SAMMSON: variants seen among roughly 807,000 people sequenced by gnomAD.
The protein encoded by SAMMSON is long intergenic non-protein coding RNA 1212.
At chr3:70,360,747 T>TA (rs1251041375) in intron 9 of SAMMSON, among the ~76,000 whole-genome samples, 1 of 152,156 alleles carries the variant, frequency 6.6e-6, no homozygotes, top group Non-Finnish European at 1.5e-5. Flanking sequence ...AACATCATAA[T>TA]ATAAATGGAA....
At chr3:70,281,051 G>T (rs1013627608) in intron 6 of SAMMSON, among the ~76,000 whole-genome samples, 4 of 152,150 alleles carry the variant, frequency 2.6e-5, no homozygotes, top group Non-Finnish European at 4.4e-5. Flanking sequence ...CATGCTGAAG[G>T]ATCTCATGTA....
chr3:70,415,497 CT>C (rs890115796), intron 2 of SAMMSON, among the ~76,000 whole-genome samples: 4 of 152,120 alleles, frequency 2.6e-5, no homozygotes, highest in Admixed American at 2.0e-4. Flanking sequence ...GCTCCCCCTC[CT>C]TTTTTTGTTG....
chr3:70,198,689 TA>T (rs1257960820), intron 4 of SAMMSON, among the ~76,000 whole-genome samples: 2 of 152,192 alleles, frequency 1.3e-5, no homozygotes, highest in Admixed American at 6.5e-5. Context: ...TTAATTGTCA[TA>T]TATTGTTGCA....
At chr3:70,314,919 C>T (rs531656567) in intron 7 of SAMMSON, among the ~76,000 whole-genome samples, 2 of 152,152 alleles carry the variant, frequency 1.3e-5, no homozygotes, top group African/African-American at 2.4e-5. Flanking sequence ...TCCAACTAAA[C>T]AGTTTTTTAA....
At chr3:70,228,208 T>C (rs1701526868) in intron 4 of SAMMSON, among the ~76,000 whole-genome samples, 2 of 152,098 alleles carry the variant, frequency 1.3e-5, no homozygotes, top group African/African-American at 4.8e-5. Context: ...TTACAGCTAA[T>C]ATCCACTATG....
At chr3:70,135,983 A>G (rs1184505567) in intron 4 of SAMMSON, among the ~76,000 whole-genome samples, 2 of 150,614 alleles carry the variant, frequency 1.3e-5, no homozygotes, top group East Asian at 3.9e-4. Flanking sequence ...GTTATAGTTA[A>G]GTTGTAGTTT....
intron 3 of SAMMSON, among the ~76,000 whole-genome samples, chr3:70,017,635 T>C (rs1413647528): frequency 2.6e-5 from 4 of 152,136 alleles, no homozygotes; most frequent in African/African-American, 9.7e-5. Flanking sequence ...ATAGGAGTGG[T>C]GAGAGAGGGC....
At chr3:70,080,152 C>T (rs776401419) in intron 4 of SAMMSON, among the ~76,000 whole-genome samples, 1 of 152,146 alleles carries the variant, frequency 6.6e-6, no homozygotes, top group African/African-American at 2.4e-5. Context: ...GTGAGGACAG[C>T]GAAGTGCCTA....
intron 9 of SAMMSON, among the ~76,000 whole-genome samples, chr3:70,362,269 A>G (rs2106740566): frequency 6.6e-6 from 1 of 152,294 alleles, no homozygotes; most frequent in East Asian, 1.9e-4. Flanking sequence ...CAAGTCCAAG[A>G]TTAAACATTA....
At chr3:70,345,968 A>G (rs1006596772) in intron 7 of SAMMSON, among the ~76,000 whole-genome samples, 1 of 152,214 alleles carries the variant, frequency 6.6e-6, no homozygotes, top group African/African-American at 2.4e-5. Flanking sequence ...ACATGGACAT[A>G]TGTTTTCAAA....
At chr3:70,101,598 G>T (rs924526890) in intron 4 of SAMMSON, among the ~76,000 whole-genome samples, 3 of 152,062 alleles carry the variant, frequency 2.0e-5, no homozygotes, top group African/African-American at 7.2e-5. Flanking sequence ...CCTTCTTTGT[G>T]AATTATGGTT....
chr3:70,091,502 A>G (rs148291098), intron 4 of SAMMSON, among the ~76,000 whole-genome samples: 53 of 152,324 alleles, frequency 3.5e-4, no homozygotes, highest in African/African-American at 1.1e-3. Flanking sequence ...GATAATTCGA[A>G]GTAAAACTTT....
At chr3:70,234,161 A>G (rs1330820054) in intron 4 of SAMMSON, among the ~76,000 whole-genome samples, 6 of 152,242 alleles carry the variant, frequency 3.9e-5, no homozygotes, top group Non-Finnish European at 5.9e-5. Flanking sequence ...ACTACTTACA[A>G]TGAATGACTT....
chr3:70,310,693 G>T (rs1230496457), intron 7 of SAMMSON, among the ~76,000 whole-genome samples: 5 of 152,090 alleles, frequency 3.3e-5, no homozygotes, highest in Admixed American at 2.6e-4. Context: ...TTAGGGTTGG[G>T]GGTAGGGTGA....
intron 7 of SAMMSON, among the ~76,000 whole-genome samples, chr3:70,327,681 C>T (rs574691218): frequency 1.4e-4 from 21 of 152,230 alleles, no homozygotes; most frequent in Admixed American, 1.3e-3. Context: ...CTTGTGTTTC[C>T]ACCAGGCAGA....
chr3:70,226,600 T>C (rs546068114), intron 4 of SAMMSON, among the ~76,000 whole-genome samples: 5 of 151,558 alleles, frequency 3.3e-5, no homozygotes, highest in South Asian at 2.1e-4. Flanking sequence ...TAGCCAGGCA[T>C]GGTGGCGGGT....
At chr3:70,157,349 C>T (rs1265495692) in intron 4 of SAMMSON, among the ~76,000 whole-genome samples, 1 of 152,052 alleles carries the variant, frequency 6.6e-6, no homozygotes, top group East Asian at 1.9e-4. Flanking sequence ...TGATTCCATA[C>T]CTTAGAGCCC....
intron 2 of SAMMSON, chr3:70,425,157 T>C (rs1701351245): frequency 6.6e-6 from 1 of 152,192 alleles, no homozygotes; most frequent in African/African-American, 2.4e-5. Flanking sequence ...TGTTTCCCAG[T>C]TTCTCCAATA....
chr3:70,318,869 T>C (rs1188242140), intron 7 of SAMMSON, among the ~76,000 whole-genome samples: 1 of 152,026 alleles, frequency 6.6e-6, no homozygotes, highest in African/African-American at 2.4e-5. Context: ...TTTTGCTTAG[T>C]CTTAGGATGT....
Sources: gnomAD v4.1 joint callset for allele counts (sites outside exome capture counted in the v4.1 genomes callset) on GRCh38, gnomAD v4.1.1 for gene constraint, MANE v1.5 for transcripts, NCBI Gene and HGNC (gene_info 2026-07-23, HGNC 2026-07-21) for gene names.